Variants in MATCAP2 observed in about 807,000 individuals in gnomAD.
The protein encoded by MATCAP2 is microtubule associated tyrosine carboxypeptidase 2, also known as putative tyrosine carboxypeptidase MATCAP2.
the MATCAP2 span, chr7:36,366,635 A>C: frequency 6.7e-7 from 1 of 1,502,008 alleles, no homozygotes; most frequent in African/African-American, 1.4e-5. Context: ...TTTGGATTGT[A>C]CCTTTGTAAG....
the MATCAP2 span, among the ~76,000 whole-genome samples, chr7:36,379,839 C>CAGAG: frequency 1.4e-4 from 19 of 131,604 alleles, no homozygotes; most frequent in East Asian, 4.9e-3. Context: ...CACACACACA[C>CAGAG]ACACACACAG....
chr7:36,373,909 C>T, the MATCAP2 span, among the ~76,000 whole-genome samples: 3 of 152,096 alleles, frequency 2.0e-5, no homozygotes, highest in Admixed American at 1.3e-4. Flanking sequence ...CTCAGCCTCC[C>T]GAGTAGCTGG....
At chr7:36,331,161 G>T in the MATCAP2 span, 1 of 771,608 alleles carries the variant, frequency 1.3e-6, no homozygotes, top group South Asian at 1.5e-5. Flanking sequence ...TTTACTGTAG[G>T]AATCAGTCCT....
chr7:36,324,786 C>G, the MATCAP2 span: 51 of 152,260 alleles, frequency 3.3e-4, no homozygotes, highest in African/African-American at 1.1e-3. Context: ...GTTTTTCATC[C>G]TTATACCAAA....
the MATCAP2 span, among the ~76,000 whole-genome samples, chr7:36,361,807 A>G: frequency 1.2e-4 from 18 of 152,244 alleles, no homozygotes; most frequent in Non-Finnish European, 2.6e-4. Flanking sequence ...GTACGCTCAT[A>G]TAACAGAAGA....
the MATCAP2 span, among the ~76,000 whole-genome samples, chr7:36,371,682 G>C: frequency 6.6e-6 from 1 of 152,200 alleles, no homozygotes; most frequent in African/African-American, 2.4e-5. Context: ...GAGGAAGAGA[G>C]AGATGGTAAA....
chr7:36,385,797 TAAAATAA>T, the MATCAP2 span, among the ~76,000 whole-genome samples: 8 of 98,592 alleles, frequency 8.1e-5, no homozygotes, highest in East Asian at 2.0e-3. Flanking sequence ...AAAAATAAAA[TAAAATAA>T]AATAAAATAA....
chr7:36,356,067 T>C, the MATCAP2 span: 2 of 152,208 alleles, frequency 1.3e-5, no homozygotes, highest in Non-Finnish European at 2.9e-5. Context: ...TAAATATTTA[T>C]TTGATGATGA....
At chr7:36,334,838 C>A in the MATCAP2 span, among the ~76,000 whole-genome samples, 1 of 152,238 alleles carries the variant, frequency 6.6e-6, no homozygotes, top group Admixed American at 6.5e-5. Flanking sequence ...GTTCAATACA[C>A]CTAAACACTT....
At chr7:36,341,649 T>C in the MATCAP2 span, among the ~76,000 whole-genome samples, 1 of 152,156 alleles carries the variant, frequency 6.6e-6, no homozygotes, top group East Asian at 1.9e-4. Flanking sequence ...ATGCCTGTAA[T>C]CCCAGCACCT....
the MATCAP2 span, among the ~76,000 whole-genome samples, chr7:36,362,790 A>G: frequency 5.3e-5 from 8 of 152,152 alleles, no homozygotes; most frequent in African/African-American, 1.9e-4. Flanking sequence ...TCTCTTTGTT[A>G]GATTAATATC....
chr7:36,336,798 T>A, the MATCAP2 span, among the ~76,000 whole-genome samples: 153 of 151,772 alleles, frequency 1.0e-3, 1 homozygote, highest in African/African-American at 2.9e-3. Flanking sequence ...TTTAAAAAAA[T>A]TTTTTTAAAG....
chr7:36,348,653 G>A, the MATCAP2 span, among the ~76,000 whole-genome samples: 5 of 152,224 alleles, frequency 3.3e-5, no homozygotes, highest in African/African-American at 1.2e-4. Flanking sequence ...TAGAATCTAA[G>A]TCCCTGTTCT....
chr7:36,371,465 T>C, the MATCAP2 span, among the ~76,000 whole-genome samples: 1 of 152,170 alleles, frequency 6.6e-6, no homozygotes, highest in Admixed American at 6.5e-5. Flanking sequence ...TCTTCTTACA[T>C]AGTAGAACAG....
At chr7:36,327,486 T>A in the MATCAP2 span, among the ~76,000 whole-genome samples, 19 of 152,336 alleles carry the variant, frequency 1.2e-4, no homozygotes, top group African/African-American at 4.3e-4. Context: ...ACCTTGAACC[T>A]ACTCAGTTTG....
chr7:36,351,727 G>A, the MATCAP2 span, among the ~76,000 whole-genome samples: 3 of 151,182 alleles, frequency 2.0e-5, no homozygotes, highest in East Asian at 2.0e-4. Context: ...CAGGTGGACT[G>A]CATGAGCTCA....
chr7:36,375,311 T>A, the MATCAP2 span, among the ~76,000 whole-genome samples: 4 of 152,254 alleles, frequency 2.6e-5, no homozygotes, highest in Admixed American at 1.3e-4. Flanking sequence ...CATTTTTTCA[T>A]GTGTCGAAGG....
At chr7:36,370,146 T>C in the MATCAP2 span, among the ~76,000 whole-genome samples, 2 of 152,234 alleles carry the variant, frequency 1.3e-5, no homozygotes. Flanking sequence ...CTTTTACTAT[T>C]CCCATCTATG....
the MATCAP2 span, among the ~76,000 whole-genome samples, chr7:36,376,389 A>G: frequency 6.6e-6 from 1 of 152,126 alleles, no homozygotes; most frequent in Non-Finnish European, 1.5e-5. Flanking sequence ...GTTTCCATGT[A>G]GTTCTGTGGT....
Sources: allele counts gnomAD v4.1 joint callset (sites outside exome capture counted in the v4.1 genomes callset), GRCh38; gene constraint gnomAD v4.1.1; transcripts MANE v1.5; gene names NCBI Gene and HGNC (gene_info 2026-07-23, HGNC 2026-07-21).